The following LHFPL3 variants were observed in gnomAD, a reference collection of about 807,000 sequenced individuals.
LHFPL3 encodes LHFPL tetraspan subfamily member 3 protein.
LHFPL3 carries 5 observed loss-of-function variants against 19.3 expected under a neutral mutation model. The observed-to-expected ratio is 0.26, with a 90% confidence interval of 0.14 to 0.54. The LOEUF is 0.54. Among genes scored for constraint, LHFPL3 ranks in the 20% least tolerant of loss-of-function variants. LHFPL3 has a pLI of 0.94. For synonymous variants in LHFPL3, 133 were observed against 126.2 expected (o/e 1.05, Z -0.36); for missense variants, 249 against 307.4 (o/e 0.81, Z 1.42).
At chr7:104,558,502 A>C (rs202136981) in intron 1 of LHFPL3, among the ~76,000 whole-genome samples, 114 of 150,268 alleles carry the variant, frequency 7.6e-4, no homozygotes, top group East Asian at 3.3e-3. Flanking sequence ...TGTTCATGTC[A>C]TTCGCCCACT....
intron 1 of LHFPL3, among the ~76,000 whole-genome samples, chr7:104,372,210 G>A (rs74765161): frequency 2.7e-3 from 415 of 152,230 alleles, no homozygotes; most frequent in African/African-American, 9.3e-3. Context: ...CCAGCCTTGC[G>A]CAGCCTGGAG....
At chr7:104,870,732 G>C (rs1791818872) in intron 2 of LHFPL3, among the ~76,000 whole-genome samples, 1 of 152,280 alleles carries the variant, frequency 6.6e-6, no homozygotes, top group African/African-American at 2.4e-5. Context: ...TGGACTCTGA[G>C]GTCCTGTGTG....
At position 104,906,269 on chromosome 7, in the gene LHFPL3, C is replaced by T. The variant is rs557833963; in HGVS notation, c.*54C>T. 3.5e-5 allele frequency: 55 copies of T among 1,560,056 alleles called. No homozygotes were observed. The highest frequency in any genetic ancestry group is 7.2e-5 in the Admixed American group (4 of 55,186). ...CAAATCGAATAACAGCTAAACGAAT[C>T]GAATAACAGCTTTTGTACATCAACA... On this transcript the variant is annotated 3_prime_UTR_variant, in exon 3 of 3. Coordinates refer to ENST00000424859, the MANE Select transcript of LHFPL3 (RefSeq NM_199000.3).
Position 104,402,024 on chromosome 7 carries a change from G to A in LHFPL3, c.445+72800G>A, listed in dbSNP as rs533667041. Among the ~76,000 whole-genome samples, 6 of 151,522 alleles carry A rather than the reference G, an allele frequency of 4.0e-5. No homozygotes were observed. In the East Asian group the frequency reaches 7.8e-4, roughly 20 times the overall value. On this transcript the variant is annotated intron_variant, in intron 1 of 2. Transcript: ENST00000424859. Reference sequence around the variant, plus strand: ...AAGCATTGAAAAAGTATAAAACACTGAGACAGAAGAGGAATTATTTGGCAT... The same window carrying A: ...AAGCATTGAAAAAGTATAAAACACTAAGACAGAAGAGGAATTATTTGGCAT...
chr7:104,880,863 C>A (rs1792036891), intron 2 of LHFPL3, among the ~76,000 whole-genome samples: 2 of 152,254 alleles, frequency 1.3e-5, no homozygotes, highest in African/African-American at 4.8e-5. Flanking sequence ...ACTTTCAAGT[C>A]TTATTATTTA....
At chr7:104,519,096 A>G (rs758783084) in intron 1 of LHFPL3, among the ~76,000 whole-genome samples, 20 of 152,208 alleles carry the variant, frequency 1.3e-4, no homozygotes, top group Admixed American at 2.6e-4. Flanking sequence ...TTCCCTCTCA[A>G]TCTGACATAC....
intron 1 of LHFPL3, among the ~76,000 whole-genome samples, chr7:104,704,824 C>T (rs1412575337): frequency 2.0e-5 from 3 of 152,048 alleles, no homozygotes; most frequent in African/African-American, 7.2e-5. Flanking sequence ...TTTGTAGCAA[C>T]AGGGTCTCAC....
intron 1 of LHFPL3, among the ~76,000 whole-genome samples, chr7:104,545,969 A>C (rs1794573132): frequency 3.3e-5 from 5 of 152,168 alleles, no homozygotes; most frequent in Admixed American, 3.3e-4. Context: ...ATGTCCAGAC[A>C]CTAAAATTTA....
intron 1 of LHFPL3, among the ~76,000 whole-genome samples, chr7:104,446,322 C>T (rs943625400): frequency 6.6e-6 from 1 of 152,108 alleles, no homozygotes; most frequent in Non-Finnish European, 1.5e-5. Flanking sequence ...CACTGGAAGA[C>T]CTTGCAGAGC....
chr7:104,331,097 A>G (rs1801559240), intron 1 of LHFPL3, among the ~76,000 whole-genome samples: 1 of 152,246 alleles, frequency 6.6e-6, no homozygotes, highest in Non-Finnish European at 1.5e-5. Context: ...ACAAAAAGAA[A>G]ATGATCTTTG....
At chr7:104,441,491 A>G (rs1189821736) in intron 1 of LHFPL3, among the ~76,000 whole-genome samples, 1 of 152,158 alleles carries the variant, frequency 6.6e-6, no homozygotes, top group Non-Finnish European at 1.5e-5. Context: ...ATGGATATTT[A>G]TGTTGTTTCC....
At chr7:104,535,450 A>G (rs1405961522) in intron 1 of LHFPL3, among the ~76,000 whole-genome samples, 2 of 152,186 alleles carry the variant, frequency 1.3e-5, no homozygotes, top group African/African-American at 4.8e-5. Flanking sequence ...GAGCTGGAAA[A>G]ATATTCATTA....
At chr7:104,350,312 C>T (rs1369791738) in intron 1 of LHFPL3, among the ~76,000 whole-genome samples, 1 of 152,114 alleles carries the variant, frequency 6.6e-6, no homozygotes, top group Non-Finnish European at 1.5e-5. Context: ...ATCATTGTAG[C>T]AAGTTCTATT....
At chr7:104,854,319 T>TA (rs1206807239) in intron 2 of LHFPL3, among the ~76,000 whole-genome samples, 4 of 152,218 alleles carry the variant, frequency 2.6e-5, no homozygotes, top group Admixed American at 6.5e-5. Context: ...AAGTCTGACT[T>TA]AGAGTCATCC....
chr7:104,657,114 T>C (rs1792135297), intron 1 of LHFPL3, among the ~76,000 whole-genome samples: 1 of 152,256 alleles, frequency 6.6e-6, no homozygotes, highest in Non-Finnish European at 1.5e-5. Flanking sequence ...CAGAAGATAA[T>C]ACATGCTAAG....
At chr7:104,621,521 G>A (rs924855759) in intron 1 of LHFPL3, among the ~76,000 whole-genome samples, 3 of 152,170 alleles carry the variant, frequency 2.0e-5, no homozygotes, top group South Asian at 2.1e-4. Flanking sequence ...GTCAGAGGAC[G>A]CCCAGGAGCT....
chr7:104,893,277 G>A (rs551076210), intron 2 of LHFPL3, among the ~76,000 whole-genome samples: 1 of 152,018 alleles, frequency 6.6e-6, no homozygotes, highest in African/African-American at 2.4e-5. Context: ...ACTTTGGGAG[G>A]CAGACGTGAG....
intron 1 of LHFPL3, among the ~76,000 whole-genome samples, chr7:104,487,231 A>G (rs910201416): frequency 2.6e-5 from 4 of 152,252 alleles, no homozygotes; most frequent in African/African-American, 7.2e-5. Flanking sequence ...CCTATTCCTG[A>G]TTACACAACC....
In LHFPL3 at chr7:104,752,782, T is replaced by A. The variant is rs1794200775; in HGVS notation, c.682+15871T>A. The A allele has an allele frequency of 1.5e-5, 6 of 395,820 alleles. 1 individual carries two copies. Among genetic ancestry groups the A allele is most frequent in the Admixed American group, 4.4e-5 (1 of 22,620 alleles). The allele number at this position is 395,820 out of a possible 1,614,324, so 24.5% of individuals were successfully genotyped here. A position where few individuals can be genotyped will look rare whatever the true frequency, so the allele number is the denominator to read the frequency against. On this transcript the variant is annotated intron_variant, in intron 2 of 2. Transcript: ENST00000424859. The stretch of plus-strand genomic sequence containing the variant: ...TGTCCTCAATGACCACGCTCGAGTG[T>A]ACCTTCACCCTAGAGAAAAGCCTCC...
Sources: allele counts gnomAD v4.1 joint callset (sites outside exome capture counted in the v4.1 genomes callset), GRCh38; gene constraint gnomAD v4.1.1; transcripts MANE v1.5; gene names NCBI Gene and HGNC (gene_info 2026-07-23, HGNC 2026-07-21).